MACROH2A2: variants seen among roughly 807,000 people sequenced by gnomAD.
MACROH2A2 encodes macroH2A.2 histone.
A neutral mutation model predicts 37.6 loss-of-function variants in MACROH2A2; 6 were observed. That is an observed-to-expected ratio of 0.16 (90% CI 0.09 to 0.32). MACROH2A2 has a LOEUF of 0.32. Among genes scored for constraint, MACROH2A2 ranks in the 10% least tolerant of loss-of-function variants. The probability of loss-of-function intolerance (pLI) is 1.00; values close to 1 mark genes in which losing one functional copy is unlikely to be tolerated. For missense variants in MACROH2A2, 290 were observed against 485.9 expected, an observed-to-expected ratio of 0.60 and a Z score of 3.79; for synonymous variants, 192 against 202.7, an observed-to-expected ratio of 0.95 and a Z score of 0.45.
intron 1 of MACROH2A2, among the ~76,000 whole-genome samples, chr10:70,072,348 C>T (rs1354414270): frequency 6.6e-6 from 1 of 152,012 alleles, no homozygotes; most frequent in Non-Finnish European, 1.5e-5. Flanking sequence ...TCATCAATAA[C>T]ACTGTCTTCC....
intron 2 of MACROH2A2, among the ~76,000 whole-genome samples, chr10:70,082,967 T>C (rs2072189228): frequency 6.6e-6 from 1 of 151,128 alleles, no homozygotes; most frequent in Admixed American, 6.7e-5. Context: ...GGTAGATGTA[T>C]GTTATGTATG....
At chr10:70,054,308 G>A (rs2072000160) in intron 1 of MACROH2A2, among the ~76,000 whole-genome samples, 1 of 152,160 alleles carries the variant, frequency 6.6e-6, no homozygotes, top group Non-Finnish European at 1.5e-5. Context: ...GGACGCGATG[G>A]GAACCGTGGC....
In MACROH2A2 at chr10:70,075,784, C is replaced by T. The variant is rs1370069717; in HGVS notation, c.126C>T (p.Ser42=). ...AAGGGACGTTCAAGTACCGGATCAG[C>T]GTGGGCGCCCCTGTCTACATGGCGG... is the stretch of plus-strand genomic sequence containing the variant. ...LKKGTFKYRI[S]VGAPVYMAAV... is the part of the protein sequence containing the mutation. Residue 42 remains serine, a synonymous_variant, in exon 2 of 9, where the codon AGC becomes AGT. Coordinates refer to ENST00000373255, the MANE Select transcript of MACROH2A2 (RefSeq NM_018649.3). The surrounding 1 kb of genome is among the most constrained non-coding windows in gnomAD (Gnocchi z 5.0). 1.2e-6 allele frequency: 2 copies of T among 1,613,908 alleles called. No individual in the cohort carries two copies. The highest frequency in any genetic ancestry group is 8.5e-7 in the Non-Finnish European group (1 of 1,179,974).
intron 3 of MACROH2A2, 43 bp from the exon 4 acceptor site, chr10:70,091,714 A>G (rs781257029): frequency 7.4e-7 from 1 of 1,353,066 alleles, no homozygotes; most frequent in Non-Finnish European, 1.1e-6. Flanking sequence ...ATTGGGAACT[A>G]GCAGGCTGTT....
intron 2 of MACROH2A2, among the ~76,000 whole-genome samples, chr10:70,077,301 C>A (rs1230141190): frequency 6.6e-6 from 1 of 152,246 alleles, no homozygotes; most frequent in Non-Finnish European, 1.5e-5. Context: ...GGCACAGTGG[C>A]TCACACCTGT....
At chr10:70,089,023 G>T (rs1268756001) in intron 2 of MACROH2A2, among the ~76,000 whole-genome samples, 4 of 152,194 alleles carry the variant, frequency 2.6e-5, no homozygotes. Context: ...AGAATTGCTT[G>T]AACCCAGGAG....
chr10:70,093,652 G>A, intron 4 of MACROH2A2, 83 bp from the exon 5 acceptor site: 1 of 700,936 alleles, frequency 1.4e-6, no homozygotes. Context: ...CAACTTGGTG[G>A]CAGCCGTGAG....
chr10:70,094,986 T>C (rs1424085351), intron 5 of MACROH2A2, among the ~76,000 whole-genome samples: 3 of 152,172 alleles, frequency 2.0e-5, no homozygotes, highest in Non-Finnish European at 2.9e-5. Flanking sequence ...GCCCTGGGCT[T>C]CCTTGCAGGA....
intron 7 of MACROH2A2, 80 bp downstream of exon 7, chr10:70,100,377 C>G (rs570689388): frequency 7.7e-5 from 57 of 744,486 alleles, no homozygotes; most frequent in Admixed American, 6.4e-4. Flanking sequence ...TGCCTCATGC[C>G]TATTCAGCTT....
At chr10:70,057,299 TCA>T (rs2072023810) in intron 1 of MACROH2A2, among the ~76,000 whole-genome samples, 1 of 142,362 alleles carries the variant, frequency 7.0e-6, no homozygotes, top group African/African-American at 2.7e-5. Flanking sequence ...GACAAGTCAT[TCA>T]ATGAGCACGT....
intron 2 of MACROH2A2, among the ~76,000 whole-genome samples, chr10:70,082,416 CA>C (rs540113997): frequency 0.045 from 5,487 of 120,768 alleles, 221 homozygotes; most frequent in East Asian, 0.16. Context: ...GAAACTGTGT[CA>C]AAAAAAAAAA....
chr10:70,104,014 A>G (rs925890073), intron 7 of MACROH2A2, among the ~76,000 whole-genome samples: 1 of 152,218 alleles, frequency 6.6e-6, no homozygotes, highest in Non-Finnish European at 1.5e-5. Flanking sequence ...AAGGAAGGAG[A>G]GGGCTACAGG....
chr10:70,096,142 A>T (rs2072275292), intron 6 of MACROH2A2, among the ~76,000 whole-genome samples: 1 of 152,238 alleles, frequency 6.6e-6, no homozygotes, highest in South Asian at 2.1e-4. Context: ...CAAAGCAGAG[A>T]TGGGTTTCAT....
chr10:70,085,000 A>C (rs2072202305), intron 2 of MACROH2A2, among the ~76,000 whole-genome samples: 1 of 152,148 alleles, frequency 6.6e-6, no homozygotes, highest in African/African-American at 2.4e-5. Context: ...CCATCTAGAC[A>C]CTCAATACAA....
chr10:70,069,233 G>A lies in MACROH2A2; in HGVS notation c.-59-6367G>A, dbSNP rs140662940. On this transcript the variant is annotated intron_variant, in intron 1 of 8. Coordinates refer to ENST00000373255, the MANE Select transcript of MACROH2A2 (RefSeq NM_018649.3). ...TTCTGAAACAACAGAGTCTGAATAC[G>A]CCCTCTTCCCCAGCACACACAAGAC... 5.2e-3 allele frequency among the ~76,000 whole-genome samples: 785 copies of A among 152,192 alleles called. 7 individuals carry two copies. The highest frequency in any genetic ancestry group is 0.018 in the African/African-American group (751 of 41,514).
intron 2 of MACROH2A2, among the ~76,000 whole-genome samples, chr10:70,081,068 CAAAAAAAAAAAAAA>C (rs34688764): frequency 2.2e-5 from 1 of 45,842 alleles, no homozygotes. Flanking sequence ...CCCTGTCTCT[CAAAAAAAAAAAAAA>C]AAAAAAAAAA....
At chr10:70,076,763 G>A (rs112264948) in intron 2 of MACROH2A2, among the ~76,000 whole-genome samples, 107 of 152,194 alleles carry the variant, frequency 7.0e-4, no homozygotes, top group African/African-American at 2.0e-3. Flanking sequence ...GGGGAGGCAA[G>A]CCTCACTGCA....
At chr10:70,074,318 T>C (rs1485682136) in intron 1 of MACROH2A2, among the ~76,000 whole-genome samples, 3 of 152,234 alleles carry the variant, frequency 2.0e-5, no homozygotes, top group Non-Finnish European at 4.4e-5. Context: ...GTGAAGTTTC[T>C]CCCAAAATCA....
intron 1 of MACROH2A2, among the ~76,000 whole-genome samples, chr10:70,056,673 G>C (rs956522255): frequency 2.0e-5 from 3 of 152,180 alleles, no homozygotes; most frequent in African/African-American, 7.2e-5. Flanking sequence ...AGAAGGGTAA[G>C]GGAGCGAGGC....
Sources: gnomAD v4.1 joint callset for allele counts (sites outside exome capture counted in the v4.1 genomes callset) on GRCh38, gnomAD v4.1.1 for gene constraint, Gnocchi (gnomAD v3.1) non-coding constraint, MANE v1.5 for transcripts, NCBI Gene and HGNC (gene_info 2026-07-23, HGNC 2026-07-21) for gene names.